HHAT: variants seen among roughly 807,000 people sequenced by gnomAD.
HHAT encodes protein-cysteine N-palmitoyltransferase HHAT.
In HHAT, 47 loss-of-function variants were observed where a neutral mutation model predicts 70.8. The observed-to-expected ratio is 0.66, with a 90% CI of 0.53 to 0.85. The LOEUF (loss-of-function observed/expected upper bound fraction) is 0.85, where lower values mean the gene tolerates loss of function less well. HHAT is among the 40% of genes least tolerant of loss of function. The pLI, the probability that HHAT is intolerant of heterozygous loss-of-function variation, is 0.00. For missense variants in HHAT, 609 were observed against 604.8 expected (o/e 1.01, Z -0.07); for synonymous variants, 228 against 247.6 (o/e 0.92, Z 0.74).
intron 3 of HHAT, chr1:210,369,596 C>T (rs139405136): frequency 5.0e-4 from 76 of 152,320 alleles, no homozygotes; most frequent in African/African-American, 1.8e-3. Context: ...GCTTCCAGGC[C>T]ACGTGCCAGG....
At chr1:210,495,258 T>C (rs1253219403) in intron 8 of HHAT, among the ~76,000 whole-genome samples, 1 of 150,802 alleles carries the variant, frequency 6.6e-6, no homozygotes, top group South Asian at 2.1e-4. Context: ...GCTTAATATA[T>C]ATTTTCCATA....
At chr1:210,388,884 A>C (rs1374356892) in intron 4 of HHAT, among the ~76,000 whole-genome samples, 1 of 152,132 alleles carries the variant, frequency 6.6e-6, no homozygotes, top group South Asian at 2.1e-4. Flanking sequence ...AAATAGCTTC[A>C]TACCTGTTTT....
At position 210,628,331 on chromosome 1, in the gene HHAT, G is replaced by GA. The variant is rs141418076; in HGVS notation, c.1390+4669dup. ...AGCCATGGACTTTGTTTAAAAAAAA[G>GA]AAAAAAAAGGAAAACCAAAACATTT... On this transcript the variant is annotated intron_variant, in intron 11 of 11. Coordinates refer to ENST00000261458, the MANE Select transcript of HHAT (RefSeq NM_018194.6). Among the ~76,000 whole-genome samples, 449 of 151,618 alleles carry GA rather than the reference G, an allele frequency of 3.0e-3. 6 individuals are homozygous for GA. The highest frequency in any genetic ancestry group is 0.01 in the African/African-American group (427 of 41,310).
intron 4 of HHAT, among the ~76,000 whole-genome samples, chr1:210,390,426 C>T (rs2091379890): frequency 6.6e-6 from 1 of 152,116 alleles, no homozygotes; most frequent in African/African-American, 2.4e-5. Context: ...GATATTAAAA[C>T]TCTAAGTTTA....
intron 9 of HHAT, among the ~76,000 whole-genome samples, chr1:210,566,374 A>AAG (rs1231575876): frequency 6.6e-6 from 1 of 152,182 alleles, no homozygotes; most frequent in African/African-American, 2.4e-5. Flanking sequence ...TACTGGGCAG[A>AAG]AGAGGGTGGT....
At chr1:210,612,806 G>A (rs955443442) in intron 10 of HHAT, among the ~76,000 whole-genome samples, 11 of 152,118 alleles carry the variant, frequency 7.2e-5, no homozygotes, top group African/African-American at 2.4e-4. Flanking sequence ...TCATCAACAC[G>A]TGTTATTTTG....
chr1:210,608,621 T>C (rs1358290188), intron 10 of HHAT, among the ~76,000 whole-genome samples: 1 of 152,212 alleles, frequency 6.6e-6, no homozygotes, highest in Non-Finnish European at 1.5e-5. Flanking sequence ...ATTTTTTAGA[T>C]GTGCATTTAA....
At chr1:210,481,656 T>C (rs373773664) in intron 8 of HHAT, among the ~76,000 whole-genome samples, 143 of 152,292 alleles carry the variant, frequency 9.4e-4, no homozygotes, top group African/African-American at 2.9e-3. Flanking sequence ...TCAGACTTCA[T>C]TGGGTGATGT....
At chr1:210,379,179 T>C (rs2090448598) in intron 3 of HHAT, among the ~76,000 whole-genome samples, 1 of 152,240 alleles carries the variant, frequency 6.6e-6, no homozygotes, top group Non-Finnish European at 1.5e-5. Flanking sequence ...CTGAACTGAC[T>C]GGACCCCAGA....
intron 7 of HHAT, among the ~76,000 whole-genome samples, chr1:210,427,434 G>A (rs986464731): frequency 1.3e-5 from 2 of 152,056 alleles, no homozygotes; most frequent in Non-Finnish European, 2.9e-5. Context: ...TTTGTTGTAG[G>A]TGTTTAGTGC....
intron 2 of HHAT, among the ~76,000 whole-genome samples, chr1:210,359,729 T>C (rs1357393781): frequency 6.6e-6 from 1 of 152,140 alleles, no homozygotes; most frequent in Non-Finnish European, 1.5e-5. Context: ...TAGCTGGGCA[T>C]AGTGGTGCAC....
chr1:210,557,949 T>C (rs2095587460), intron 9 of HHAT, among the ~76,000 whole-genome samples: 1 of 152,144 alleles, frequency 6.6e-6, no homozygotes, highest in Admixed American at 6.6e-5. Context: ...GCATTTGGGC[T>C]CATTTCCTAG....
intron 7 of HHAT, among the ~76,000 whole-genome samples, chr1:210,424,005 T>C (rs148181438): frequency 6.6e-6 from 1 of 152,358 alleles, no homozygotes; most frequent in Non-Finnish European, 1.5e-5. Flanking sequence ...TTGCTCAGAA[T>C]TGCTTTGGCT....
chr1:210,667,663 C>G (rs1041703529), intron 11 of HHAT, among the ~76,000 whole-genome samples: 1 of 152,114 alleles, frequency 6.6e-6, no homozygotes, highest in Admixed American at 6.5e-5. Flanking sequence ...ATCATCATCC[C>G]AAAAGATTCC....
At chr1:210,375,484 T>C (rs965159631) in intron 3 of HHAT, among the ~76,000 whole-genome samples, 3 of 152,180 alleles carry the variant, frequency 2.0e-5, no homozygotes, top group Non-Finnish European at 2.9e-5. Flanking sequence ...ATCTTTTAAC[T>C]TTCCACCTCC....
intron 8 of HHAT, among the ~76,000 whole-genome samples, chr1:210,466,479 G>GT (rs1305050993): frequency 3.3e-5 from 5 of 152,216 alleles, no homozygotes; most frequent in Admixed American, 1.3e-4. Flanking sequence ...GAGTCAATGG[G>GT]TTGGGACCCA....
intron 9 of HHAT, 97 bp downstream of exon 9, chr1:210,513,285 G>T: frequency 1.5e-6 from 1 of 672,930 alleles, no homozygotes; most frequent in Non-Finnish European, 2.6e-6. Context: ...GATAAATAAT[G>T]GCACTTATAT....
intron 3 of HHAT, among the ~76,000 whole-genome samples, chr1:210,371,616 G>A (rs1038238475): frequency 8.5e-5 from 13 of 152,248 alleles, no homozygotes; most frequent in Admixed American, 3.3e-4. Context: ...GAACATTCAC[G>A]CACACAGCCA....
At chr1:210,531,281 A>G (rs1000071905) in intron 9 of HHAT, among the ~76,000 whole-genome samples, 1 of 151,970 alleles carries the variant, frequency 6.6e-6, no homozygotes, top group Non-Finnish European at 1.5e-5. Context: ...GACTGTACAT[A>G]TGAACTATGG....
Sources: allele counts gnomAD v4.1 joint callset (sites outside exome capture counted in the v4.1 genomes callset), GRCh38; gene constraint gnomAD v4.1.1; transcripts MANE v1.5; gene names NCBI Gene and HGNC (gene_info 2026-07-23, HGNC 2026-07-21).